The following FHL5 variants were observed in gnomAD, a reference collection of about 807,000 sequenced individuals.
FHL5 encodes the protein four and a half LIM domains protein 5.
A neutral mutation model predicts 32.0 loss-of-function variants in FHL5; 33 were observed. That is an observed-to-expected ratio of 1.03 (90% CI 0.78 to 1.38). FHL5 has a LOEUF of 1.38. Among genes scored for constraint, FHL5 ranks in the 40% most tolerant of loss-of-function variants. The pLI, the probability that FHL5 is intolerant of heterozygous loss-of-function variation, is 0.00. For missense variants in FHL5, 336 were observed against 343.9 expected (o/e 0.98, Z 0.18); for synonymous variants, 114 against 113.6 (o/e 1.00, Z -0.02).
chr6:96,576,460 C>A (rs529276962), intron 1 of FHL5, among the ~76,000 whole-genome samples: 1 of 152,188 alleles, frequency 6.6e-6, no homozygotes, highest in Non-Finnish European at 1.5e-5. Flanking sequence ...AGAAGAGTGA[C>A]GGAGTGAAGA....
In FHL5 at chr6:96,617,404, A is replaced by G. The variant is rs1217267034; in HGVS notation, c.*1632A>G. Among the ~76,000 whole-genome samples the G allele has an allele frequency of 6.6e-6, 1 of 152,218 alleles. No individual in the cohort carries two copies. Among genetic ancestry groups the G allele is most frequent in the Non-Finnish European group, 1.5e-5 (1 of 68,024 alleles). On this transcript the variant is annotated 3_prime_UTR_variant, in exon 6 of 6. Transcript: ENST00000450218. The stretch of plus-strand genomic sequence containing the variant: ...AAATTGTTATGGAAATAATTTTTGA[A>G]ATAGTTTAAAATGCAAGAATATTCA...
In FHL5 at chr6:96,603,624, C is replaced by T. The variant is rs758992147; in HGVS notation, c.11C>T (p.Ala4Val). 24 of 1,610,142 alleles carry T rather than the reference C, an allele frequency of 1.5e-5. No homozygotes were observed. The Admixed American group carries it at 3.4e-4, about 23-fold the overall frequency. Residue 4 changes from alanine to valine, a missense_variant, in exon 2 of 6, where the codon GCT becomes GTT. Ala to Val is a moderately conservative substitution (Grantham distance 64, BLOSUM62 0). Transcript: ENST00000450218. ...TAGGATCAAACCAAAATGACAACTG[C>T]TCACTTTTACTGTCAATACTGCACA... is the stretch of plus-strand genomic sequence containing the variant. MTT[A>V]HFYCQYCTAS...
At chr6:96,597,519 C>G (rs949424503) in intron 1 of FHL5, among the ~76,000 whole-genome samples, 1 of 152,146 alleles carries the variant, frequency 6.6e-6, no homozygotes, top group South Asian at 2.1e-4. Flanking sequence ...AGTCTCAGCT[C>G]AAAACATGGC....
chr6:96,586,762 A>G (rs1030773431), intron 1 of FHL5, among the ~76,000 whole-genome samples: 5 of 152,172 alleles, frequency 3.3e-5, no homozygotes, highest in Admixed American at 1.3e-4. Context: ...CACCATAGAC[A>G]TCTCAATTGG....
At chr6:96,611,699 C>T (rs1271461871) in intron 5 of FHL5, among the ~76,000 whole-genome samples, 1 of 152,052 alleles carries the variant, frequency 6.6e-6, no homozygotes, top group Non-Finnish European at 1.5e-5. Flanking sequence ...AAATATGTGG[C>T]AAAATAAAAG....
chr6:96,602,572 G>C (rs1320901214), intron 1 of FHL5, among the ~76,000 whole-genome samples: 1 of 150,156 alleles, frequency 6.7e-6, no homozygotes, highest in Non-Finnish European at 1.5e-5. Flanking sequence ...TCAGCCTCCC[G>C]AGTAGCTGGG....
At chr6:96,606,931 G>A (rs921894267) in intron 4 of FHL5, among the ~76,000 whole-genome samples, 2 of 152,068 alleles carry the variant, frequency 1.3e-5, no homozygotes, top group African/African-American at 2.4e-5. Context: ...GATCATGGGG[G>A]AAGTTCAGTA....
At chr6:96,597,528 G>C (rs1379010022) in intron 1 of FHL5, among the ~76,000 whole-genome samples, 2 of 151,992 alleles carry the variant, frequency 1.3e-5, no homozygotes, top group African/African-American at 4.8e-5. Context: ...TCAAAACATG[G>C]CACTTACCTG....
At chr6:96,575,687 T>C (rs753193230) in intron 1 of FHL5, among the ~76,000 whole-genome samples, 1 of 152,178 alleles carries the variant, frequency 6.6e-6, no homozygotes, top group Non-Finnish European at 1.5e-5. Context: ...AGAAACTCCT[T>C]TAAAGGGCAA....
intron 5 of FHL5, among the ~76,000 whole-genome samples, chr6:96,613,554 G>A (rs1333172962): frequency 6.6e-6 from 1 of 152,188 alleles, no homozygotes; most frequent in Non-Finnish European, 1.5e-5. Context: ...TATAAAACAA[G>A]CAGTTGAGCA....
At chr6:96,609,191 C>T (rs1771345618) in intron 4 of FHL5, among the ~76,000 whole-genome samples, 1 of 151,982 alleles carries the variant, frequency 6.6e-6, no homozygotes, top group Admixed American at 6.6e-5. Flanking sequence ...ATAATTTTTT[C>T]ACAAGTCTAT....
rs185030936 is a variant in FHL5 at position 96,618,532 on chromosome 6, G to T, written c.*2760G>T. 4.5e-4 allele frequency among the ~76,000 whole-genome samples: 68 copies of T among 152,300 alleles called. No individual in the cohort carries two copies. Among genetic ancestry groups the T allele is most frequent in the Middle Eastern group, 3.4e-3 (1 of 294 alleles). On this transcript the variant is annotated 3_prime_UTR_variant, in exon 6 of 6. Transcript: ENST00000450218. Reference sequence around the variant, plus strand: ...AGTGTTTGAGGAAAATTATGCTTTTGATCCTTTGTGGAATAGAACCAAAGA... The same window carrying T: ...AGTGTTTGAGGAAAATTATGCTTTTTATCCTTTGTGGAATAGAACCAAAGA...
At chr6:96,585,212 C>T (rs888830040) in intron 1 of FHL5, among the ~76,000 whole-genome samples, 7 of 152,132 alleles carry the variant, frequency 4.6e-5, no homozygotes, top group African/African-American at 2.4e-5. Context: ...TCAAAGACTT[C>T]AACAGTTTGC....
intron 1 of FHL5, among the ~76,000 whole-genome samples, chr6:96,596,965 G>A (rs1771048485): frequency 6.6e-6 from 1 of 151,862 alleles, no homozygotes; most frequent in African/African-American, 2.4e-5. Context: ...CACTTTTTAA[G>A]TCCTACTGCA....
intron 1 of FHL5, among the ~76,000 whole-genome samples, chr6:96,584,062 C>T (rs374495403): frequency 8.5e-5 from 13 of 152,238 alleles, no homozygotes; most frequent in African/African-American, 2.4e-4. Context: ...GATCATGCTA[C>T]GCCTCCTGAG....
chr6:96,604,650 C>T, intron 2 of FHL5, 100 bp from the exon 3 acceptor site: 1 of 828,204 alleles, frequency 1.2e-6, no homozygotes. Flanking sequence ...ACTAGCACAA[C>T]CTACTGACAT....
intron 1 of FHL5, among the ~76,000 whole-genome samples, chr6:96,594,447 G>C (rs1770994434): frequency 6.6e-6 from 1 of 151,392 alleles, no homozygotes; most frequent in Non-Finnish European, 1.5e-5. Context: ...GTCAAGTGTT[G>C]TGCTGAGTTA....
intron 1 of FHL5, among the ~76,000 whole-genome samples, chr6:96,572,003 G>A (rs1398596711): frequency 6.6e-6 from 1 of 152,132 alleles, no homozygotes; most frequent in Non-Finnish European, 1.5e-5. Context: ...CTAGATAGAG[G>A]GGTACTTCTG....
intron 1 of FHL5, among the ~76,000 whole-genome samples, chr6:96,588,881 T>TAAA (rs3884105): frequency 1.1e-4 from 17 of 150,942 alleles, no homozygotes; most frequent in African/African-American, 1.5e-4. Flanking sequence ...GCAATTCTTT[T>TAAA]AAAAAAAAAG....
Sources: gnomAD v4.1 joint callset for allele counts (sites outside exome capture counted in the v4.1 genomes callset) on GRCh38, gnomAD v4.1.1 for gene constraint, MANE v1.5 for transcripts, NCBI Gene and HGNC (gene_info 2026-07-23, HGNC 2026-07-21) for gene names.